Variants in DCUN1D4 observed in about 807,000 individuals in gnomAD.
The protein encoded by DCUN1D4 is DCN1-like protein 4.
Under a neutral mutation model 47.9 loss-of-function variants are expected in DCUN1D4, and 22 were observed. That is an observed-to-expected ratio of 0.46 (90% CI 0.33 to 0.66). The LOEUF is 0.66. DCUN1D4 is among the 30% of genes least tolerant of loss of function. The probability of loss-of-function intolerance (pLI) is 0.02; values close to 1 mark genes in which losing one functional copy is unlikely to be tolerated. For synonymous variants in DCUN1D4, 121 were observed against 112.2 expected (o/e 1.08, Z -0.50); for missense variants, 301 against 340.8 (o/e 0.88, Z 0.92).
At chr4:51,877,225 T>C (rs1407762903) in intron 4 of DCUN1D4, among the ~76,000 whole-genome samples, 1 of 152,218 alleles carries the variant, frequency 6.6e-6, no homozygotes, top group Non-Finnish European at 1.5e-5. Flanking sequence ...CCAAGCGACA[T>C]TGTCTTTGTC....
rs1388927750 is a variant in DCUN1D4 at position 51,907,540 on chromosome 4, A to C, written c.616-3530A>C. Among the ~76,000 whole-genome samples the C allele has an allele frequency of 4.6e-5, 7 of 152,282 alleles. No homozygotes were observed. The East Asian group carries it at 1.4e-3, about 29-fold the overall frequency. The stretch of plus-strand genomic sequence containing the variant: ...TCTTCACTTAAGGCCTTTTGATTTC[A>C]TGTACCAATTTCTGACTTCACCATT... On this transcript the variant is annotated intron_variant, in intron 8 of 10. Transcript: ENST00000334635.
intron 5 of DCUN1D4, among the ~76,000 whole-genome samples, chr4:51,881,127 CA>C (rs962144231): frequency 5.5e-5 from 8 of 145,460 alleles, no homozygotes; most frequent in African/African-American, 1.0e-4. Context: ...GACTCCGTCT[CA>C]AAAAAAAAAG....
In DCUN1D4 at chr4:51,895,633, GA is replaced by G. The variant is rs1373760340; in HGVS notation, c.507-3632del. ...ACTGCAATAAACTGATGATGGGCTG[GA>G]AAAATACTAAGTGAAGGGGCAGGGG... On this transcript the variant is annotated intron_variant, in intron 7 of 10. Transcript: ENST00000334635. 2.0e-5 allele frequency among the ~76,000 whole-genome samples: 3 copies of G among 148,922 alleles called. No individual in the cohort carries two copies. The East Asian group carries it at 5.9e-4, about 29-fold the overall frequency.
intron 1 of DCUN1D4, among the ~76,000 whole-genome samples, chr4:51,854,749 T>C (rs1723873646): frequency 6.6e-6 from 1 of 152,240 alleles, no homozygotes; most frequent in South Asian, 2.1e-4. Context: ...TTTTAAAGCA[T>C]TTATTCCCCT....
intron 6 of DCUN1D4, chr4:51,886,901 G>T: frequency 2.2e-6 from 1 of 448,486 alleles, no homozygotes; most frequent in Non-Finnish European, 4.1e-6. Context: ...TTACAAAATG[G>T]TGTGGCCACA....
chr4:51,871,949 C>G (rs1299994251), intron 3 of DCUN1D4, among the ~76,000 whole-genome samples: 1 of 152,120 alleles, frequency 6.6e-6, no homozygotes, highest in East Asian at 1.9e-4. Context: ...TCTTCCACAC[C>G]CTGCTGGTGT....
At chr4:51,842,640 T>A (rs1213639348), upstream of DCUN1D4, among the ~76,000 whole-genome samples, 2 of 152,228 alleles carry the variant, frequency 1.3e-5, no homozygotes, top group Non-Finnish European at 2.9e-5. Flanking sequence ...GTGGGACAAG[T>A]GGCGGGAGAC....
upstream of DCUN1D4, among the ~76,000 whole-genome samples, chr4:51,841,921 C>A (rs1214797364): frequency 1.6e-5 from 2 of 128,936 alleles, no homozygotes; most frequent in Non-Finnish European, 3.1e-5. Flanking sequence ...TATGGGGATG[C>A]CTTGTAGGTG....
chr4:51,883,166 A>AGTGGTAAT (rs1728945394), intron 5 of DCUN1D4, among the ~76,000 whole-genome samples: 1 of 152,230 alleles, frequency 6.6e-6, no homozygotes, highest in African/African-American at 2.4e-5. Context: ...ATTACCAGAC[A>AGTGGTAAT]CAGTCAGTGA....
chr4:51,907,559 C>T (rs1336224009), intron 8 of DCUN1D4, among the ~76,000 whole-genome samples: 1 of 152,170 alleles, frequency 6.6e-6, no homozygotes, highest in African/African-American at 2.4e-5. Context: ...TTTCTGACTT[C>T]ACCATTTATG....
At chr4:51,894,937 C>A (rs910902125) in intron 7 of DCUN1D4, among the ~76,000 whole-genome samples, 1 of 151,978 alleles carries the variant, frequency 6.6e-6, no homozygotes, top group African/African-American at 2.4e-5. Flanking sequence ...ACCAAGATGC[C>A]GTAGATTTGG....
chr4:51,849,190 C>G (rs879481698), intron 1 of DCUN1D4, among the ~76,000 whole-genome samples: 1 of 152,162 alleles, frequency 6.6e-6, no homozygotes, highest in Non-Finnish European at 1.5e-5. Flanking sequence ...CAGACACACT[C>G]GCCTGAGACT....
chr4:51,857,313 C>CT (rs1440264508), intron 1 of DCUN1D4, among the ~76,000 whole-genome samples: 1 of 152,188 alleles, frequency 6.6e-6, no homozygotes, highest in Non-Finnish European at 1.5e-5. Context: ...CAGTGTCTAA[C>CT]TTACGGCCCT....
At chr4:51,840,303 C>A (rs1721597420), upstream of DCUN1D4, among the ~76,000 whole-genome samples, 1 of 151,826 alleles carries the variant, frequency 6.6e-6, no homozygotes, top group African/African-American at 2.4e-5. Context: ...TGAAAAAAAT[C>A]CTGAATGAAA....
chr4:51,890,989 A>G (rs1730332727), intron 6 of DCUN1D4, among the ~76,000 whole-genome samples: 1 of 152,222 alleles, frequency 6.6e-6, no homozygotes, highest in African/African-American at 2.4e-5. Context: ...CCCCTCCTTT[A>G]CAAGTGATGA....
chr4:51,836,652 T>C, the DCUN1D4 span, among the ~76,000 whole-genome samples: 4 of 152,162 alleles, frequency 2.6e-5, no homozygotes, highest in Non-Finnish European at 4.4e-5. Flanking sequence ...GTTTTTGACA[T>C]ACTTCATGCT....
intron 5 of DCUN1D4, among the ~76,000 whole-genome samples, chr4:51,885,691 T>C (rs1399947862): frequency 6.6e-6 from 1 of 151,956 alleles, no homozygotes; most frequent in East Asian, 1.9e-4. Context: ...CTAGGAATAA[T>C]GTATATAGCA....
At chr4:51,863,124 C>T (rs1205337888) in intron 1 of DCUN1D4, among the ~76,000 whole-genome samples, 1 of 152,218 alleles carries the variant, frequency 6.6e-6, no homozygotes, top group Non-Finnish European at 1.5e-5. Flanking sequence ...GGAAAGTGAA[C>T]ATTTCATTTG....
At chr4:51,887,214 G>C (rs1479170113) in intron 6 of DCUN1D4, 2 of 410,900 alleles carry the variant, frequency 4.9e-6, no homozygotes, top group Non-Finnish European at 9.6e-6. Flanking sequence ...GATTTCCCCT[G>C]CCTCAGCCTC....
Sources: allele counts gnomAD v4.1 joint callset (sites outside exome capture counted in the v4.1 genomes callset), GRCh38; gene constraint gnomAD v4.1.1; transcripts MANE v1.5; gene names NCBI Gene and HGNC (gene_info 2026-07-23, HGNC 2026-07-21).